The following PITPNC1 variants were observed in gnomAD, a reference collection of about 807,000 sequenced individuals.
PITPNC1 encodes phosphatidylinositol transfer protein cytoplasmic 1.
A neutral mutation model predicts 44.7 loss-of-function variants in PITPNC1; 18 were observed. The ratio of observed to expected loss-of-function variants is 0.40; its 90% CI spans 0.28 to 0.60. PITPNC1 has a LOEUF of 0.60. Ranked by LOEUF, PITPNC1 falls within the 20% of genes least tolerant of loss-of-function variation. The probability of loss-of-function intolerance (pLI) is 0.39; values close to 1 mark genes in which losing one functional copy is unlikely to be tolerated. For synonymous variants in PITPNC1, 141 were observed against 149.6 expected, an observed-to-expected ratio of 0.94 and a Z score of 0.42; for missense variants, 290 against 418.4, an observed-to-expected ratio of 0.69 and a Z score of 2.68.
At chr17:67,393,293 A>G (rs555447757) in intron 1 of PITPNC1, among the ~76,000 whole-genome samples, 1 of 152,220 alleles carries the variant, frequency 6.6e-6, no homozygotes, top group South Asian at 2.1e-4. Flanking sequence ...TGCAGAATTG[A>G]AACTCTGTAT....
chr17:67,647,463 G>GTTTTTTTTTTTTTTTTT (rs1567757487), intron 6 of PITPNC1, among the ~76,000 whole-genome samples: 10 of 90,594 alleles, frequency 1.1e-4, no homozygotes, highest in African/African-American at 5.0e-4. Flanking sequence ...GCTAATTTTG[G>GTTTTTTTTTTTTTTTTT]GTTTTTTTTT....
At chr17:67,515,893 C>T (rs967375716) in intron 1 of PITPNC1, among the ~76,000 whole-genome samples, 5 of 152,310 alleles carry the variant, frequency 3.3e-5, no homozygotes, top group Non-Finnish European at 7.4e-5. Flanking sequence ...TCTCTCCCAC[C>T]CACGCATTTT....
rs887458484 is a variant in PITPNC1 at position 67,676,816 on chromosome 17, TTTTC to T, written c.682+1278_682+1281del. Among the ~76,000 whole-genome samples the T allele has an allele frequency of 1.4e-4, 22 of 151,986 alleles. No homozygotes were observed. Among genetic ancestry groups the T allele is most frequent in the Non-Finnish European group, 2.5e-4 (17 of 68,040 alleles). ...AGGCATGGTTCTATAAGCTATGGGC[TTTTC>T]TTTTTTTTTTCTTTTTTTCTTACCT... On this transcript the variant is annotated intron_variant, in intron 8 of 8. Coordinates refer to ENST00000581322, the MANE Select transcript of PITPNC1 (RefSeq NM_012417.4). The surrounding 1 kb of genome is among the most constrained non-coding windows in gnomAD (Gnocchi z 4.0).
chr17:67,379,029 A>G lies in PITPNC1; in HGVS notation c.48+827A>G, dbSNP rs901006741. ...TGCGAAGCCGCGAGCTCCAGTATTC[A>G]GGAAGTGGTGACTCAGATAGGATTA... is the stretch of plus-strand genomic sequence containing the variant. On this transcript the variant is annotated intron_variant, in intron 1 of 8. Transcript: ENST00000581322. The G allele has an allele frequency of 9.1e-6, 9 of 985,530 alleles. No homozygotes were observed. In the African/African-American group the frequency reaches 1.0e-4, roughly 11 times the overall value. The allele number at this position is 985,530 out of a possible 1,614,324, so 61.0% of individuals were successfully genotyped here.
intron 5 of PITPNC1, among the ~76,000 whole-genome samples, chr17:67,630,222 A>C (rs1196347366): frequency 2.0e-5 from 3 of 152,236 alleles, no homozygotes; most frequent in Non-Finnish European, 4.4e-5. Flanking sequence ...CCGAAGAGTC[A>C]GATGTAATTA....
intron 1 of PITPNC1, among the ~76,000 whole-genome samples, chr17:67,460,613 C>G (rs1205525635): frequency 6.6e-6 from 1 of 151,894 alleles, no homozygotes; most frequent in Non-Finnish European, 1.5e-5. Context: ...CAGGGTTTCA[C>G]CATGTTGGCC....
At position 67,688,338 on chromosome 17, in the gene PITPNC1, C is replaced by CAA. The variant is rs56938476; in HGVS notation, c.683-4222_683-4221dup. On this transcript the variant is annotated intron_variant, in intron 8 of 8. Transcript: ENST00000581322. Reference sequence around the variant, plus strand: ...GGGCAACAAGAGCAAAATTCTGTCTCAAAAAAAAAAAAATCAATGCTGTAG... The same window carrying CAA: ...GGGCAACAAGAGCAAAATTCTGTCTCAAAAAAAAAAAAAAATCAATGCTGTAG... 4.8e-4 allele frequency among the ~76,000 whole-genome samples: 26 copies of CAA among 54,362 alleles called. 2 individuals are homozygous for CAA. The highest frequency in any genetic ancestry group is 1.6e-3 in the African/African-American group (22 of 14,136). 35.7% of individuals were successfully genotyped at this position (54,362 alleles called of 152,430 possible).
intron 4 of PITPNC1, among the ~76,000 whole-genome samples, chr17:67,564,477 C>G (rs779683569): frequency 6.6e-6 from 1 of 152,146 alleles, no homozygotes; most frequent in Non-Finnish European, 1.5e-5. Context: ...TCCTCTCCAG[C>G]CCCTCAGCAG....
rs183689098 is a variant in PITPNC1, at chr17:67,452,474, C to T, written c.48+74272C>T. ...CAATTCTTGGATGGACATGTGCTTT[C>T]GTTCCTCTTGGGAAGATACTTTAAG... On this transcript the variant is annotated intron_variant, in intron 1 of 8. Coordinates refer to ENST00000581322, the MANE Select transcript of PITPNC1 (RefSeq NM_012417.4). Among the ~76,000 whole-genome samples the T allele has an allele frequency of 8.8e-4, 132 of 150,394 alleles. 1 individual carries two copies. The highest frequency in any genetic ancestry group is 3.5e-3 in the Middle Eastern group (1 of 282).
intron 5 of PITPNC1, among the ~76,000 whole-genome samples, chr17:67,602,629 A>G (rs890663085): frequency 2.6e-5 from 4 of 152,220 alleles, no homozygotes; most frequent in Non-Finnish European, 5.9e-5. Context: ...AAATAACAGC[A>G]GTCATCATCA....
At chr17:67,424,477 T>A (rs1264264346) in intron 1 of PITPNC1, among the ~76,000 whole-genome samples, 1 of 151,986 alleles carries the variant, frequency 6.6e-6, no homozygotes, top group Non-Finnish European at 1.5e-5. Context: ...GCCAACATGG[T>A]GAAACCTTGT....
At chr17:67,510,655 G>T (rs1276473882) in intron 1 of PITPNC1, among the ~76,000 whole-genome samples, 1 of 152,142 alleles carries the variant, frequency 6.6e-6, no homozygotes, top group African/African-American at 2.4e-5. Context: ...CTGGAGTGCA[G>T]TGGTGCGATC....
chr17:67,474,275 T>TCTTC (rs1390845606), intron 1 of PITPNC1, among the ~76,000 whole-genome samples: 1 of 152,186 alleles, frequency 6.6e-6, no homozygotes, highest in African/African-American at 2.4e-5. Flanking sequence ...AAGGAGAACT[T>TCTTC]GAAGGAGTTC....
chr17:67,411,375 C>T (rs546817612), intron 1 of PITPNC1, among the ~76,000 whole-genome samples: 2 of 152,178 alleles, frequency 1.3e-5, no homozygotes, highest in South Asian at 2.1e-4. Context: ...TCCTGGAAAG[C>T]GCAGCACATA....
intron 1 of PITPNC1, among the ~76,000 whole-genome samples, chr17:67,410,715 TGA>T (rs1305000214): frequency 6.6e-6 from 1 of 152,002 alleles, no homozygotes; most frequent in East Asian, 1.9e-4. Context: ...TGTTAGTAGG[TGA>T]GTCTGCGTGT....
intron 2 of PITPNC1, 77 bp from the exon 3 acceptor site, chr17:67,552,180 T>G: frequency 2.5e-6 from 2 of 793,226 alleles, no homozygotes; most frequent in Non-Finnish European, 4.5e-6. Context: ...TTCTCCAGCA[T>G]TTTATCCAGA....
Position 67,510,553 on chromosome 17 carries a change from C to T in PITPNC1, c.49-22249C>T, listed in dbSNP as rs183799761. 2.1e-3 allele frequency among the ~76,000 whole-genome samples: 318 copies of T among 152,338 alleles called. 2 individuals carry two copies. The highest frequency in any genetic ancestry group is 7.2e-3 in the African/African-American group (300 of 41,582). On this transcript the variant is annotated intron_variant, in intron 1 of 8. Coordinates refer to ENST00000581322, the MANE Select transcript of PITPNC1 (RefSeq NM_012417.4). ...CTCAAGAGGGCGCCCTTGACCGCCT[C>T]GGCCTCCCAAAGTGCTGGGATTACA...
intron 7 of PITPNC1, among the ~76,000 whole-genome samples, chr17:67,671,691 G>T (rs1406113415): frequency 1.3e-5 from 2 of 152,110 alleles, no homozygotes; most frequent in South Asian, 2.1e-4. Context: ...CAGCCAGCCA[G>T]CCAGGAGCCA....
intron 5 of PITPNC1, among the ~76,000 whole-genome samples, chr17:67,607,805 T>C (rs2041628561): frequency 6.6e-6 from 1 of 151,556 alleles, no homozygotes; most frequent in South Asian, 2.1e-4. Context: ...CTCGGCTCAC[T>C]GCAACCTCTG....
Sources: gnomAD v4.1 joint callset for allele counts (sites outside exome capture counted in the v4.1 genomes callset) on GRCh38, gnomAD v4.1.1 for gene constraint, Gnocchi (gnomAD v3.1) non-coding constraint, MANE v1.5 for transcripts, NCBI Gene and HGNC (gene_info 2026-07-23, HGNC 2026-07-21) for gene names.